CYP2E1: variants seen among roughly 807,000 people sequenced by gnomAD.
CYP2E1 encodes the protein cytochrome P450 family 2 subfamily E member 1.
CYP2E1 carries 31 observed loss-of-function variants against 42.9 expected under a neutral mutation model. That is an observed-to-expected ratio of 0.72 (90% CI 0.54 to 0.98). The LOEUF (loss-of-function observed/expected upper bound fraction) is 0.98, where lower values mean the gene tolerates loss of function less well. Among genes scored for constraint, CYP2E1 ranks in the 50% least tolerant of loss-of-function variants. The probability of loss-of-function intolerance (pLI) is 0.00; values close to 1 mark genes in which losing one functional copy is unlikely to be tolerated. For synonymous variants in CYP2E1, 244 were observed against 248.9 expected, an observed-to-expected ratio of 0.98 and a Z score of 0.19; for missense variants, 565 against 633.2, an observed-to-expected ratio of 0.89 and a Z score of 1.16.
rs1564850583 is a variant in CYP2E1, at chr10:133,538,823, G to A, written c.1341G>A (p.Leu447=). 1.2e-6 allele frequency: 2 copies of A among 1,614,068 alleles called. No homozygotes were observed. Residue 447 remains leucine (L), a synonymous_variant, in exon 9 of 9, where the codon TTG becomes TTA. Transcript: ENST00000252945. ...GAGAAGGCCTGGCTCGCATGGAGTT[G>A]TTTCTTTTGTTGTGTGCCATTTTGC... ...CAGEGLARME[L]FLLLCAILQH...
chr10:133,536,040 G>A (rs1851390849), intron 6 of CYP2E1, among the ~76,000 whole-genome samples: 2 of 152,264 alleles, frequency 1.3e-5, no homozygotes, highest in East Asian at 1.9e-4. Context: ...GAGGCTTTCA[G>A]ATTCAAGAAG....
chr10:133,529,233 A>G (rs1851309252), intron 2 of CYP2E1, among the ~76,000 whole-genome samples: 1 of 152,322 alleles, frequency 6.6e-6, no homozygotes, highest in East Asian at 1.9e-4. Flanking sequence ...CGAGTTCAGC[A>G]TAAGCAGAAA....
At chr10:133,537,442 G>C (rs1416567023) in intron 7 of CYP2E1, 192 bp downstream of exon 7, 1 of 628,442 alleles carries the variant, frequency 1.6e-6, no homozygotes, top group Non-Finnish European at 2.7e-6. Flanking sequence ...GGTGACCAGA[G>C]AGGTGGAGGA....
At chr10:133,537,970 C>A in intron 8 of CYP2E1, 78 bp downstream of exon 8, 1 of 1,465,488 alleles carries the variant, frequency 6.8e-7, no homozygotes. Context: ...GTGCTCTGCC[C>A]TCGTCCCAGG....
Position 133,539,063 on chromosome 10 carries a change from AT to A in CYP2E1, c.*102del. On this transcript the variant is annotated 3_prime_UTR_variant, in exon 9 of 9. Transcript: ENST00000252945. ...CTGATTCCTTTCTTTGCATATGAGT[AT>A]TTGAAAATAAATATTTTCCCAGAAT... 1 of 846,448 alleles carries A rather than the reference AT, an allele frequency of 1.2e-6. No homozygotes were observed. Among genetic ancestry groups the A allele is most frequent in the Non-Finnish European group, 1.7e-6 (1 of 576,858 alleles). 52.4% of individuals were successfully genotyped at this position (846,448 alleles called of 1,614,324 possible). A position where few individuals can be genotyped will look rare whatever the true frequency, so the allele number is the denominator to read the frequency against.
chr10:133,539,028 A>T lies in CYP2E1; in HGVS notation c.*64A>T, dbSNP rs2133601691. ...AGTTTTCAAATTGTTTGAGGTCAGG[A>T]TTTCTCAAACTGATTCCTTTCTTTG... On this transcript the variant is annotated 3_prime_UTR_variant, in exon 9 of 9. Transcript: ENST00000252945. 2.9e-6 allele frequency: 4 copies of T among 1,365,426 alleles called. No homozygotes were observed. The highest frequency in any genetic ancestry group is 4.0e-6 in the Non-Finnish European group (4 of 1,004,546). 84.6% of individuals were successfully genotyped at this position (1,365,426 alleles called of 1,614,324 possible).
rs1851347457 is a variant in CYP2E1, at chr10:133,532,242, G to A, written c.606G>A (p.Leu202=). The A allele has an allele frequency of 2.5e-6, 4 of 1,613,948 alleles. No homozygotes were observed. The highest frequency in any genetic ancestry group is 2.5e-6 in the Non-Finnish European group (3 of 1,179,956). ...NDEKFLRLMY[L]FNENFHLLST... ...AGAAGTTTCTAAGGCTGATGTATTT[G>A]TTTAATGAGAACTTCCACCTACTCA... The change falls in exon 4 of 9, where the codon TTG becomes TTA. Residue 202 remains leucine, a synonymous_variant. Transcript: ENST00000252945.
Position 133,531,719 on chromosome 10 carries a change from C to A in CYP2E1, c.472C>A (p.Leu158Ile), listed in dbSNP as rs776328834. The change falls in exon 3 of 9, where the codon CTC (leucine) becomes ATC (isoleucine). Residue 158 changes from leucine to isoleucine, a missense_variant. Leu to Ile is a conservative substitution (Grantham distance 5). Coordinates refer to ENST00000252945, the MANE Select transcript of CYP2E1 (RefSeq NM_000773.4). ...GGAGGCCCACTTCCTGCTGGAAGCA[C>A]TCAGGAAGACCCAAGGTGCGTATCT... ...QREAHFLLEA[L>I]RKTQGQPFDP... The A allele has an allele frequency of 1.2e-6, 2 of 1,600,440 alleles. No individual in the cohort carries two copies. The highest frequency in any genetic ancestry group is 1.7e-6 in the Non-Finnish European group (2 of 1,173,636).
chr10:133,532,812 C>G lies in CYP2E1; in HGVS notation c.769C>G (p.Leu257Val). 1 of 1,613,380 alleles carries G rather than the reference C, an allele frequency of 6.2e-7. No homozygotes were observed. The highest frequency in any genetic ancestry group is 8.5e-7 in the Non-Finnish European group (1 of 1,179,858). ...AAGGGTGAAGGAGCACCATCAATCTCTGGACCCCAACTGTCCCCGGGACCT... is the reference window on the plus strand; with the variant it reads ...AAGGGTGAAGGAGCACCATCAATCTGTGGACCCCAACTGTCCCCGGGACCT... ...SERVKEHHQS[L>V]DPNCPRDLTD... The change falls in exon 5 of 9, where the codon CTG becomes GTG. Residue 257 changes from leucine to valine, a missense_variant. Leu to Val is a conservative substitution (Grantham distance 32). Coordinates refer to ENST00000252945, the MANE Select transcript of CYP2E1 (RefSeq NM_000773.4).
rs1456623496 is a variant in CYP2E1 at position 133,532,296 on chromosome 10, T to C, written c.648+12T>C. On this transcript the variant is annotated intron_variant, in intron 4 of 8. Coordinates refer to ENST00000252945, the MANE Select transcript of CYP2E1 (RefSeq NM_000773.4). ...CTCCCTGGCTCCAGGTGAAGCCACT[T>C]TCCTCTTTCATCAGTCATCAACTGT... 2.5e-6 allele frequency: 4 copies of C among 1,608,648 alleles called. No individual in the cohort carries two copies. Among genetic ancestry groups the C allele is most frequent in the Non-Finnish European group, 3.4e-6 (4 of 1,175,536 alleles).
intron 2 of CYP2E1, among the ~76,000 whole-genome samples, chr10:133,530,814 CAGGGAT>C (rs1851327271): frequency 6.6e-6 from 1 of 152,138 alleles, no homozygotes; most frequent in Admixed American, 6.5e-5. Context: ...TGCAGGGGAA[CAGGGAT>C]CATTTCAAGG....
chr10:133,528,438 TCGCCGCGCGG>T (rs1319397573), intron 1 of CYP2E1, 33 bp from the exon 2 acceptor site: 17 of 1,606,042 alleles, frequency 1.1e-5, no homozygotes, highest in Non-Finnish European at 1.4e-5. Flanking sequence ...CCGCACCTCC[TCGCCGCGCGG>T]CGGGCCTGAC....
intron 3 of CYP2E1, 58 bp from the exon 4 acceptor site, chr10:133,532,066 C>G: frequency 6.6e-7 from 1 of 1,522,982 alleles, no homozygotes; most frequent in Non-Finnish European, 9.0e-7. Flanking sequence ...GGTGACTGAG[C>G]AGGTGGAGGA....
intron 1 of CYP2E1, 76 bp from the exon 2 acceptor site, chr10:133,528,405 C>A (rs865951861): frequency 1.3e-6 from 2 of 1,551,468 alleles, no homozygotes; most frequent in East Asian, 2.3e-5. Context: ...AATACCCGCC[C>A]GGCAGGGGTG....
chr10:133,532,576 T>C (rs1026989417), intron 4 of CYP2E1, 116 bp from the exon 5 acceptor site: 9 of 1,029,128 alleles, frequency 8.7e-6, no homozygotes, highest in Non-Finnish European at 1.3e-5. Context: ...CCCAAAATAT[T>C]CCAAATAAAC....
At chr10:133,531,483 T>C (rs1328341266) in intron 2 of CYP2E1, 102 bp from the exon 3 acceptor site, 2 of 1,364,036 alleles carry the variant, frequency 1.5e-6, no homozygotes, top group African/African-American at 1.4e-5. Flanking sequence ...GTCACTTCTT[T>C]ATACACCTGT....
chr10:133,529,505 A>G (rs567289259), intron 2 of CYP2E1, among the ~76,000 whole-genome samples: 2 of 152,266 alleles, frequency 1.3e-5, no homozygotes, highest in Non-Finnish European at 2.9e-5. Context: ...AACTTTGATG[A>G]CGAGGCTCCA....
At chr10:133,531,205 G>A (rs1168539971) in intron 2 of CYP2E1, among the ~76,000 whole-genome samples, 1 of 152,180 alleles carries the variant, frequency 6.6e-6, no homozygotes, top group Admixed American at 6.5e-5. Flanking sequence ...GAATGTTGTC[G>A]ATAGATAGGA....
At chr10:133,528,403 C>A in intron 1 of CYP2E1, 78 bp from the exon 2 acceptor site, 1 of 1,544,596 alleles carries the variant, frequency 6.5e-7, no homozygotes, top group South Asian at 1.2e-5. Context: ...GCAATACCCG[C>A]CCGGCAGGGG....
Sources: gnomAD v4.1 joint callset for allele counts (sites outside exome capture counted in the v4.1 genomes callset) on GRCh38, gnomAD v4.1.1 for gene constraint, MANE v1.5 for transcripts, NCBI Gene and HGNC (gene_info 2026-07-23, HGNC 2026-07-21) for gene names.